The following CACNA1C variants were observed in gnomAD, a reference collection of about 807,000 sequenced individuals.
CACNA1C encodes the protein calcium voltage-gated channel subunit alpha1 C.
CACNA1C carries 30 observed loss-of-function variants against 229.0 expected under a neutral mutation model. The observed-to-expected ratio is 0.13, with a 90% CI of 0.10 to 0.18. CACNA1C has a LOEUF of 0.18. Ranked by LOEUF, CACNA1C falls within the 10% of genes least tolerant of loss-of-function variation. The probability of loss-of-function intolerance (pLI) is 1.00; values close to 1 mark genes in which losing one functional copy is unlikely to be tolerated. For synonymous variants in CACNA1C, 1,114 were observed against 1,132.5 expected, an observed-to-expected ratio of 0.98 and a Z score of 0.33; for missense variants, 1,658 against 2,845.0, an observed-to-expected ratio of 0.58 and a Z score of 9.49.
chr12:2,244,748 A>G (rs1379069901), intron 3 of CACNA1C, among the ~76,000 whole-genome samples: 1 of 152,210 alleles, frequency 6.6e-6, no homozygotes, highest in Non-Finnish European at 1.5e-5. Flanking sequence ...GCAAGAATTC[A>G]CTGAGGATTA....
intron 1 of CACNA1C, among the ~76,000 whole-genome samples, chr12:2,079,141 AG>A (rs2064440062): frequency 1.8e-5 from 1 of 55,060 alleles, no homozygotes; most frequent in African/African-American, 7.6e-5. Context: ...GGGTGGGGGG[AG>A]GGGGGAGGGA....
chr12:2,122,702 C>G (rs2087422897), intron 3 of CACNA1C, among the ~76,000 whole-genome samples: 1 of 152,220 alleles, frequency 6.6e-6, no homozygotes, highest in African/African-American at 2.4e-5. Flanking sequence ...CTGCACTCTC[C>G]CTTTGGGGAG....
Position 2,486,244 on chromosome 12 carries a change from A to G in CACNA1C, c.898A>G (p.Asn300Asp), listed in dbSNP as rs200289321. 6.9e-5 allele frequency: 111 copies of G among 1,613,330 alleles called. No homozygotes were observed. The highest frequency in any genetic ancestry group is 8.7e-5 in the Non-Finnish European group (103 of 1,179,640). Residue 300 changes from asparagine (N) to aspartate (D), a missense_variant, in exon 6 of 47, where the codon AAC (asparagine) becomes GAC (aspartate). Around this residue, in one of 20 missense-constraint regions of CACNA1C, gnomAD observed 84 missense variants for 202.6 expected, o/e 0.41. Transcript: ENST00000399655. The surrounding 1 kb of genome is among the most constrained non-coding windows in gnomAD (Gnocchi z 4.9). ...GGGGAAGATGCACAAGACCTGCTACAACCAGGAGGGCATAGCAGGTAAGAG... is the reference window on the plus strand; with the variant it reads ...GGGGAAGATGCACAAGACCTGCTACGACCAGGAGGGCATAGCAGGTAAGAG... ...FMGKMHKTCY[N>D]QEGIADVPAE...
chr12:2,319,176 A>G lies in CACNA1C; in HGVS notation c.478-129800A>G, dbSNP rs1056954079. Among the ~76,000 whole-genome samples, 2 of 151,954 alleles carry G rather than the reference A, an allele frequency of 1.3e-5. No homozygotes were observed. Among genetic ancestry groups the G allele is most frequent in the Non-Finnish European group, 2.9e-5 (2 of 67,976 alleles). On this transcript the variant is annotated intron_variant, in intron 3 of 46. Transcript: ENST00000399655. This position sits in a 1 kb window ranked among gnomAD's most constrained non-coding sequence, Gnocchi z 4.0. ...CCTGGGCAGGCAGGGGTCCCCACATATCACTGCACCCTCGTGGGCTCCCCT... is the reference window on the plus strand; with the variant it reads ...CCTGGGCAGGCAGGGGTCCCCACATGTCACTGCACCCTCGTGGGCTCCCCT...
chr12:2,682,703 G>T, intron 43 of CACNA1C, 25 bp downstream of exon 43: 1 of 1,601,258 alleles, frequency 6.2e-7, no homozygotes, highest in South Asian at 1.1e-5. Context: ...CCTCTGCTGA[G>T]GCTGACCCAA....
intron 3 of CACNA1C, among the ~76,000 whole-genome samples, chr12:2,438,209 G>GA (rs2099165365): frequency 6.7e-6 from 1 of 150,232 alleles, no homozygotes; most frequent in African/African-American, 2.5e-5. Context: ...GATGGTGATG[G>GA]TGGTGGTGGT....
chr12:2,672,893 C>G (rs574560515), intron 38 of CACNA1C, among the ~76,000 whole-genome samples: 1 of 152,220 alleles, frequency 6.6e-6, no homozygotes, highest in South Asian at 2.1e-4. Flanking sequence ...CTACCTCTCC[C>G]GTGATGGGGA....
chr12:2,532,992 A>G (rs980591285), intron 9 of CACNA1C, among the ~76,000 whole-genome samples: 10 of 152,202 alleles, frequency 6.6e-5, no homozygotes, highest in African/African-American at 2.4e-4. Context: ...AAGAACAATC[A>G]GCGTCCCCAA....
rs2099568684 is a variant in CACNA1C at position 2,467,841 on chromosome 12, CCACT to C, written c.757+10138_757+10141del. Reference sequence around the variant, plus strand: ...GACGCCTGGGCCAGCAGCTCAAGGCCCACTCAGAGTCCCGACCCTGCTGCGACTT... The same window carrying C: ...GACGCCTGGGCCAGCAGCTCAAGGCCCAGAGTCCCGACCCTGCTGCGACTT... On this transcript the variant is annotated intron_variant, in intron 5 of 46. Transcript: ENST00000399655. This position sits in a 1 kb window ranked among gnomAD's most constrained non-coding sequence, Gnocchi z 4.6. Among the ~76,000 whole-genome samples, 1 of 152,224 alleles carries C rather than the reference CCACT, an allele frequency of 6.6e-6. No homozygotes were observed. Among genetic ancestry groups the C allele is most frequent in the South Asian group, 2.1e-4 (1 of 4,832 alleles).
chr12:2,448,942 T>A, intron 3 of CACNA1C, 34 bp from the exon 4 acceptor site: 7 of 1,578,720 alleles, frequency 4.4e-6, no homozygotes, highest in Non-Finnish European at 6.1e-6. Context: ...AACCAATGAC[T>A]TATTTTTCTC....
At chr12:2,489,116 CTTTCTTTTTTTA>C (rs1567987459) in intron 6 of CACNA1C, among the ~76,000 whole-genome samples, 1 of 151,958 alleles carries the variant, frequency 6.6e-6, no homozygotes, top group Admixed American at 6.6e-5. Flanking sequence ...TTCTTTCTTT[CTTTCTTTTTTTA>C]AAATTTCAGA....
chr12:2,280,830 T>G (rs2090964632), intron 3 of CACNA1C, among the ~76,000 whole-genome samples: 1 of 152,254 alleles, frequency 6.6e-6, no homozygotes, highest in Non-Finnish European at 1.5e-5. Flanking sequence ...CTTTGTTCCC[T>G]TTTCCCTCTT....
At chr12:2,246,234 T>G (rs1375902639) in intron 3 of CACNA1C, among the ~76,000 whole-genome samples, 1 of 152,072 alleles carries the variant, frequency 6.6e-6, no homozygotes, top group Non-Finnish European at 1.5e-5. Flanking sequence ...ACAACTGCAG[T>G]GGGGCAGGCT....
At chr12:2,441,171 C>T (rs1384268373) in intron 3 of CACNA1C, among the ~76,000 whole-genome samples, 2 of 152,202 alleles carry the variant, frequency 1.3e-5, no homozygotes, top group Admixed American at 6.5e-5. Flanking sequence ...TTCTTGCTGG[C>T]TTCCATAAGT....
chr12:2,191,940 A>C (rs1168856520), intron 3 of CACNA1C, among the ~76,000 whole-genome samples: 1 of 140,750 alleles, frequency 7.1e-6, no homozygotes, highest in Non-Finnish European at 1.6e-5. Context: ...CTACACATGG[A>C]CACTCATACA....
In CACNA1C at chr12:2,177,751, C is replaced by G. The variant is rs556999038; in HGVS notation, c.477+57321C>G. Among the ~76,000 whole-genome samples the G allele has an allele frequency of 1.5e-4, 23 of 152,230 alleles. No homozygotes were observed. The South Asian group carries it at 4.8e-3, about 32-fold the overall frequency. ...TCCTGGGTTCAAGTGATTCTCCTGC[C>G]TCTGCCTCCCAAGTAGCTGGGATTA... On this transcript the variant is annotated intron_variant, in intron 3 of 46. Coordinates refer to ENST00000399655, the MANE Select transcript of CACNA1C (RefSeq NM_000719.7).
chr12:2,078,279 A>C (rs751175906), intron 1 of CACNA1C, among the ~76,000 whole-genome samples: 33 of 152,354 alleles, frequency 2.2e-4, no homozygotes, highest in East Asian at 3.9e-4. Flanking sequence ...TTGATCTTGG[A>C]GTTCCAGCCT....
intron 3 of CACNA1C, among the ~76,000 whole-genome samples, chr12:2,194,216 C>G (rs1344802831): frequency 6.8e-6 from 1 of 147,656 alleles, no homozygotes; most frequent in East Asian, 2.0e-4. Context: ...TGTGTTCCTC[C>G]TCCTCCTTCT....
chr12:2,552,098 T>G (rs375351045), intron 10 of CACNA1C, among the ~76,000 whole-genome samples: 1 of 151,974 alleles, frequency 6.6e-6, no homozygotes, highest in Non-Finnish European at 1.5e-5. Flanking sequence ...GCAAGCAAAA[T>G]AGACAAAGGA....
Sources: gnomAD v4.1 joint callset for allele counts (sites outside exome capture counted in the v4.1 genomes callset) on GRCh38, gnomAD v4.1.1 for gene constraint, gnomAD v4.1.1 regional missense constraint, Gnocchi (gnomAD v3.1) non-coding constraint, MANE v1.5 for transcripts, NCBI Gene and HGNC (gene_info 2026-07-23, HGNC 2026-07-21) for gene names.